Variants in LINGO2 observed in about 807,000 individuals in gnomAD.
LINGO2 encodes the protein leucine rich repeat and Ig domain containing 2, also known as leucine-rich repeat and immunoglobulin-like domain-containing nogo receptor-interacting protein 2.
Under a neutral mutation model 30.6 loss-of-function variants are expected in LINGO2, and 14 were observed. That is an observed-to-expected ratio of 0.46 (90% CI 0.30 to 0.72). LINGO2 has a LOEUF of 0.72. LINGO2 is among the 30% of genes least tolerant of loss of function. The pLI is 0.07. For missense variants in LINGO2, 729 were observed against 751.7 expected (o/e 0.97, Z 0.35); for synonymous variants, 317 against 288.5 (o/e 1.10, Z -1.00).
At chr9:28,670,886 C>T (rs947956287), upstream of LINGO2, among the ~76,000 whole-genome samples, 2 of 151,930 alleles carry the variant, frequency 1.3e-5, no homozygotes, top group Non-Finnish European at 2.9e-5. Context: ...AATACATATG[C>T]TTGCTAAAAT....
rs1827330453 is a variant in LINGO2 at position 28,129,677 on chromosome 9, A to G, written c.-86-117272T>C. The G allele has an allele frequency of 6.6e-6, 1 of 152,234 alleles. No individual in the cohort carries two copies. Among genetic ancestry groups the G allele is most frequent in the Non-Finnish European group, 1.5e-5 (1 of 68,040 alleles). The allele number at this position is 152,234 out of a possible 1,614,324, so 9.4% of individuals were successfully genotyped here. A position where few individuals can be genotyped will look rare whatever the true frequency, so the allele number is the denominator to read the frequency against. ...AGAAAATCTTTGAAAAATCCAAATT[A>G]GTTTTTATTAGTGGTCCCATTGTAA... On this transcript the variant is annotated intron_variant, in intron 4 of 5. Coordinates refer to ENST00000379992, the Ensembl canonical transcript of LINGO2. The surrounding 1 kb of genome is among the most constrained non-coding windows in gnomAD (Gnocchi z 4.0).
At chr9:28,044,951 G>A (rs1051871139) in intron 4 of LINGO2, among the ~76,000 whole-genome samples, 5 of 152,024 alleles carry the variant, frequency 3.3e-5, no homozygotes, top group Non-Finnish European at 5.9e-5. Flanking sequence ...AAGATGGTTA[G>A]ACAGACGAGC....
At chr9:29,165,976 T>C in the LINGO2 span, among the ~76,000 whole-genome samples, 1 of 152,072 alleles carries the variant, frequency 6.6e-6, no homozygotes, top group Non-Finnish European at 1.5e-5. Flanking sequence ...AAATTGTGTA[T>C]ACTTAGTGTA....
chr9:29,189,649 G>A, the LINGO2 span, among the ~76,000 whole-genome samples: 1 of 152,154 alleles, frequency 6.6e-6, no homozygotes, highest in South Asian at 2.1e-4. Flanking sequence ...GGCACTTTGG[G>A]AGGCCAAGGC....
intron 4 of LINGO2, among the ~76,000 whole-genome samples, chr9:28,054,969 T>C (rs1587780637): frequency 6.6e-6 from 1 of 152,092 alleles, no homozygotes; most frequent in Non-Finnish European, 1.5e-5. Flanking sequence ...ATGTGAATAC[T>C]CCTTACATAA....
the LINGO2 span, among the ~76,000 whole-genome samples, chr9:28,695,414 CTT>C: frequency 6.6e-6 from 1 of 151,794 alleles, no homozygotes; most frequent in South Asian, 2.1e-4. Flanking sequence ...TTTATACAGT[CTT>C]TTTATAGGAC....
At chr9:28,380,195 T>C (rs139462919) in intron 2 of LINGO2, among the ~76,000 whole-genome samples, 37 of 152,124 alleles carry the variant, frequency 2.4e-4, no homozygotes, top group Admixed American at 2.4e-3. Context: ...CATTCACTCA[T>C]GTGTTCATTC....
At chr9:28,682,894 C>T in the LINGO2 span, among the ~76,000 whole-genome samples, 23 of 151,980 alleles carry the variant, frequency 1.5e-4, no homozygotes, top group African/African-American at 5.1e-4. Flanking sequence ...ATTTTTAAAA[C>T]ACAGGAATTG....
intron 4 of LINGO2, among the ~76,000 whole-genome samples, chr9:28,087,209 A>G (rs1323152644): frequency 6.6e-6 from 1 of 152,104 alleles, no homozygotes; most frequent in Non-Finnish European, 1.5e-5. Context: ...CAGCAGAGAT[A>G]AGATGAGATT....
chr9:28,509,516 T>C (rs1451122490), intron 1 of LINGO2, among the ~76,000 whole-genome samples: 4 of 152,214 alleles, frequency 2.6e-5, no homozygotes, highest in Non-Finnish European at 5.9e-5. Flanking sequence ...TTGTTTTACA[T>C]GTGTGGTAAT....
chr9:28,560,081 GAA>G (rs57723247), intron 1 of LINGO2, among the ~76,000 whole-genome samples: 3,239 of 123,448 alleles, frequency 0.026, 76 homozygotes, highest in African/African-American at 0.06. Flanking sequence ...TATTTAGGAG[GAA>G]AAAAAAAAAA....
the LINGO2 span, among the ~76,000 whole-genome samples, chr9:28,692,359 C>T: frequency 3.3e-5 from 5 of 152,156 alleles, no homozygotes; most frequent in South Asian, 1.0e-3. Context: ...CCTGTAATCC[C>T]AGCCATTCAG....
At chr9:28,478,199 T>A (rs1290127775) in intron 1 of LINGO2, among the ~76,000 whole-genome samples, 1 of 152,168 alleles carries the variant, frequency 6.6e-6, no homozygotes, top group Non-Finnish European at 1.5e-5. Flanking sequence ...AGAGTGATTA[T>A]TTCAGGACAT....
chr9:28,061,340 A>T (rs913672394), intron 4 of LINGO2, among the ~76,000 whole-genome samples: 1 of 151,570 alleles, frequency 6.6e-6, no homozygotes, highest in African/African-American at 2.4e-5. Flanking sequence ...CCCAGAATTT[A>T]CCACCACACA....
chr9:28,056,111 T>G (rs1824931224), intron 4 of LINGO2, among the ~76,000 whole-genome samples: 1 of 152,180 alleles, frequency 6.6e-6, no homozygotes. Context: ...AGGCAACCTC[T>G]GAGCGTCTAC....
chr9:28,258,019 A>AGAAT (rs895611065), intron 4 of LINGO2, among the ~76,000 whole-genome samples: 23 of 152,014 alleles, frequency 1.5e-4, no homozygotes, highest in Admixed American at 5.9e-4. Flanking sequence ...TAGAAGCTAC[A>AGAAT]GAATGACAAA....
chr9:29,174,788 T>A, the LINGO2 span, among the ~76,000 whole-genome samples: 2 of 152,236 alleles, frequency 1.3e-5, no homozygotes, highest in African/African-American at 2.4e-5. Context: ...GTAATTCAGA[T>A]GCCTATGGTG....
At chr9:28,384,473 TTTA>T (rs1360212877) in intron 2 of LINGO2, among the ~76,000 whole-genome samples, 1 of 151,820 alleles carries the variant, frequency 6.6e-6, no homozygotes, top group Admixed American at 6.6e-5. Flanking sequence ...TTCATTTTAG[TTTA>T]TTATTTCAAT....
chr9:28,977,772 A>C, the LINGO2 span, among the ~76,000 whole-genome samples: 9 of 152,164 alleles, frequency 5.9e-5, no homozygotes, highest in Non-Finnish European at 1.0e-4. Flanking sequence ...CTGGACTCTG[A>C]GGATTTTAAA....
Sources: allele counts gnomAD v4.1 joint callset (sites outside exome capture counted in the v4.1 genomes callset), GRCh38; gene constraint gnomAD v4.1.1; non-coding constraint Gnocchi (gnomAD v3.1); transcripts MANE v1.5; gene names NCBI Gene and HGNC (gene_info 2026-07-23, HGNC 2026-07-21).